P3H2: variants seen among roughly 807,000 people sequenced by gnomAD.
The protein encoded by P3H2 is leprecan-like 1.
In P3H2, 80 loss-of-function variants were observed where a neutral mutation model predicts 87.0. That is an observed-to-expected ratio of 0.92 (90% CI 0.77 to 1.11). The LOEUF (loss-of-function observed/expected upper bound fraction) is 1.11. Among genes scored for constraint, P3H2 ranks in the 50% least tolerant of loss-of-function variants. The pLI is 0.00. For missense variants in P3H2, 1,001 were observed against 923.9 expected (o/e 1.08, Z -1.08); for synonymous variants, 367 against 359.3 (o/e 1.02, Z -0.24).
intron 1 of P3H2, among the ~76,000 whole-genome samples, chr3:190,034,328 G>A (rs891218460): frequency 7.2e-5 from 11 of 152,142 alleles, no homozygotes; most frequent in African/African-American, 2.7e-4. Context: ...CTTTCTCTAG[G>A]CATATTAGGT....
At chr3:190,092,899 C>A (rs1010655209) in intron 1 of P3H2, among the ~76,000 whole-genome samples, 8 of 152,244 alleles carry the variant, frequency 5.3e-5, no homozygotes, top group Admixed American at 2.0e-4. Context: ...ATCTCCGAGT[C>A]AATTCTGATC....
intron 4 of P3H2, 153 bp from the exon 5 acceptor site, chr3:189,987,822 C>T (rs1389046826): frequency 6.1e-6 from 5 of 819,302 alleles, no homozygotes; most frequent in Admixed American, 2.1e-5. Context: ...GAAACAGTCA[C>T]AGATAAAAGG....
intron 1 of P3H2, among the ~76,000 whole-genome samples, chr3:190,087,990 C>T (rs1291683196): frequency 6.6e-6 from 1 of 152,164 alleles, no homozygotes; most frequent in Non-Finnish European, 1.5e-5. Context: ...CCTCTCAACA[C>T]GAGTTCTGTT....
At chr3:189,969,016 A>G (rs3108306) in intron 13 of P3H2, 222,766 of 239,670 alleles carry the variant, frequency 0.93, 103,604 homozygotes, top group East Asian at 0.95. Flanking sequence ...CAAAAGGATA[A>G]ATTGCAAAAA....
chr3:189,971,867 T>G (rs199691312), intron 12 of P3H2, 23 bp downstream of exon 12: 2 of 1,396,950 alleles, frequency 1.4e-6, no homozygotes, highest in Non-Finnish European at 2.0e-6. Flanking sequence ...AAAGCTTTGT[T>G]TTGAAGCAGG....
Position 190,120,391 on chromosome 3 carries a change from A to T in P3H2, c.341T>A (p.Leu114Ter), listed in dbSNP as rs1406018579. 1.9e-6 allele frequency: 3 copies of T among 1,546,438 alleles called. No individual in the cohort carries two copies. Among genetic ancestry groups the T allele is most frequent in the Non-Finnish European group, 2.6e-6 (3 of 1,152,338 alleles). Residue 114 changes from leucine to a stop codon, truncating the protein, a stop_gained, in exon 1 of 15, where the codon TTG becomes TAG. Coordinates refer to ENST00000319332, the MANE Select transcript of P3H2 (RefSeq NM_018192.4). LOFTEE classifies it high-confidence loss of function. The stretch of plus-strand genomic sequence containing the variant: ...GCTGCGATAACAGCGCGCCCGCCCC[A>T]ACAAGGAGCGGAAAAGGGGCAGCTC... ...GAELPLFRSL[L>*]GRARCYRSCE...
chr3:190,059,824 A>G (rs1726279642), intron 1 of P3H2, among the ~76,000 whole-genome samples: 2 of 152,118 alleles, frequency 1.3e-5, no homozygotes, highest in Admixed American at 1.3e-4. Flanking sequence ...CACAAGTCTG[A>G]CTAACTTCTT....
intron 1 of P3H2, among the ~76,000 whole-genome samples, chr3:190,016,175 T>C (rs1189396072): frequency 6.6e-6 from 1 of 152,232 alleles, no homozygotes; most frequent in Non-Finnish European, 1.5e-5. Flanking sequence ...TAAATCCTAA[T>C]TTGTTTTACC....
rs372345193 is a variant in P3H2 at position 189,974,614 on chromosome 3, G to A, written c.1396C>T (p.Leu466Phe). Residue 466 changes from leucine (L) to phenylalanine (F), a missense_variant, in exon 9 of 15, where the codon CTC becomes TTC. Leu to Phe is a conservative substitution (Grantham distance 22). Transcript: ENST00000319332. The stretch of plus-strand genomic sequence containing the variant: ...TCTTCCGACAGGACGTTATCCAGGA[G>A]AACCCGCTGAGTCCCGTTCAGCTGC... ...SEQLNGTQRVLLDNVLSEEQC... is the reference protein window; with the variant it reads ...SEQLNGTQRVFLDNVLSEEQC... 28 of 1,614,158 alleles carry A rather than the reference G, an allele frequency of 1.7e-5. No individual in the cohort carries two copies. Among genetic ancestry groups the A allele is most frequent in the Non-Finnish European group, 2.3e-5 (27 of 1,180,032 alleles).
At chr3:190,118,608 A>G (rs1223477500) in intron 1 of P3H2, among the ~76,000 whole-genome samples, 1 of 151,898 alleles carries the variant, frequency 6.6e-6, no homozygotes, top group African/African-American at 2.4e-5. Context: ...TGCCCAAGAT[A>G]CTAGTCCAGT....
chr3:190,049,216 G>A (rs563259481), intron 1 of P3H2, among the ~76,000 whole-genome samples: 15 of 152,022 alleles, frequency 9.9e-5, no homozygotes, highest in Non-Finnish European at 1.8e-4. Context: ...GAGTGTTTAG[G>A]AAAGAGAAAC....
chr3:190,009,562 A>G (rs962976508), intron 1 of P3H2, among the ~76,000 whole-genome samples: 1 of 152,156 alleles, frequency 6.6e-6, no homozygotes, highest in African/African-American at 2.4e-5. Flanking sequence ...ACACTTCCAC[A>G]TTTCACATTT....
intron 1 of P3H2, among the ~76,000 whole-genome samples, chr3:190,096,501 C>G (rs549642374): frequency 6.7e-4 from 102 of 152,228 alleles, no homozygotes; most frequent in African/African-American, 2.2e-3. Context: ...GGAATTGTGT[C>G]AATTACACCT....
In P3H2 at chr3:189,987,882, G is replaced by A. The variant is rs186487546; in HGVS notation, c.956-213C>T. On this transcript the variant is annotated intron_variant, in intron 4 of 14. Transcript: ENST00000319332. ...AAGTTATTACCTTTGGTCTGCTTTG[G>A]TACTAGTTGTTTTGTGCAAATCGTC... 4 of 578,134 alleles carry A rather than the reference G, an allele frequency of 6.9e-6. No individual in the cohort carries two copies. The Admixed American group carries it at 9.1e-5, about 13-fold the overall frequency. 35.8% of individuals were successfully genotyped at this position (578,134 alleles called of 1,614,324 possible).
intron 14 of P3H2, among the ~76,000 whole-genome samples, chr3:189,962,229 A>G (rs1577240699): frequency 1.6e-5 from 2 of 127,350 alleles, no homozygotes; most frequent in African/African-American, 6.1e-5. Context: ...AGTGTGGTGG[A>G]GTGATCTCAG....
chr3:189,979,254 T>G (rs1158571762), intron 8 of P3H2, among the ~76,000 whole-genome samples: 1 of 140,090 alleles, frequency 7.1e-6, no homozygotes, highest in African/African-American at 2.5e-5. Flanking sequence ...TGAAACCCCA[T>G]CTCTACTAAA....
At chr3:190,048,928 G>T (rs1368242022) in intron 1 of P3H2, among the ~76,000 whole-genome samples, 1 of 152,220 alleles carries the variant, frequency 6.6e-6, no homozygotes, top group Non-Finnish European at 1.5e-5. Context: ...TAGCTTTGCA[G>T]GTTTGCAAAT....
intron 1 of P3H2, among the ~76,000 whole-genome samples, chr3:190,061,481 G>C (rs1460353626): frequency 2.0e-5 from 3 of 152,090 alleles, no homozygotes; most frequent in Non-Finnish European, 4.4e-5. Context: ...GCAGCTAGAT[G>C]ACAGGAAAGC....
At chr3:190,032,924 T>A (rs1033397255) in intron 1 of P3H2, among the ~76,000 whole-genome samples, 7 of 152,184 alleles carry the variant, frequency 4.6e-5, no homozygotes, top group Admixed American at 4.6e-4. Flanking sequence ...TATTATTACA[T>A]TGCAATATAT....
Sources: allele counts gnomAD v4.1 joint callset (sites outside exome capture counted in the v4.1 genomes callset), GRCh38; gene constraint gnomAD v4.1.1; transcripts MANE v1.5; gene names NCBI Gene and HGNC (gene_info 2026-07-23, HGNC 2026-07-21).